The following CCDC77 variants were observed in gnomAD, a reference collection of about 807,000 sequenced individuals.
CCDC77 encodes coiled-coil domain containing 77.
A neutral mutation model predicts 66.8 loss-of-function variants in CCDC77; 56 were observed. That is an observed-to-expected ratio of 0.84 (90% CI 0.68 to 1.05). The LOEUF (loss-of-function observed/expected upper bound fraction) is 1.05. Ranked by LOEUF, CCDC77 falls within the 50% of genes least tolerant of loss-of-function variation. The pLI is 0.00. For missense variants in CCDC77, 570 were observed against 576.8 expected (o/e 0.99, Z 0.12); for synonymous variants, 196 against 195.2 (o/e 1.00, Z -0.03).
intron 1 of CCDC77, among the ~76,000 whole-genome samples, chr12:395,384 C>T (rs1944813880): frequency 6.6e-6 from 1 of 152,128 alleles, no homozygotes; most frequent in Non-Finnish European, 1.5e-5. Flanking sequence ...CCACTGCACC[C>T]AGCCAGATTG....
rs141213385 is a variant in CCDC77 at position 428,447 on chromosome 12, G to C, written c.414-322G>C. Among the ~76,000 whole-genome samples the C allele has an allele frequency of 4.4e-3, 651 of 147,974 alleles. 5 individuals are homozygous for C. The highest frequency in any genetic ancestry group is 0.019 in the East Asian group (93 of 4,986). Reference sequence around the variant, plus strand: ...AATGGCGTGAACCCGGCAGGCGGAGGTTGCAGTGAGCCAAGACCGCACCAT... The same window carrying C: ...AATGGCGTGAACCCGGCAGGCGGAGCTTGCAGTGAGCCAAGACCGCACCAT... On this transcript the variant is annotated intron_variant, in intron 5 of 12. Transcript: ENST00000239830.
At chr12:415,536 A>G (rs539992000) in intron 4 of CCDC77, among the ~76,000 whole-genome samples, 3 of 143,084 alleles carry the variant, frequency 2.1e-5, no homozygotes, top group Admixed American at 2.1e-4. Context: ...AATTATTAAC[A>G]TAATAATATG....
At chr12:422,855 C>G (rs1175511189) in intron 5 of CCDC77, among the ~76,000 whole-genome samples, 1 of 152,176 alleles carries the variant, frequency 6.6e-6, no homozygotes, top group Non-Finnish European at 1.5e-5. Context: ...CTCAAGTGAT[C>G]TGTCTGCCTC....
chr12:412,496 T>C (rs1203336779), intron 4 of CCDC77, among the ~76,000 whole-genome samples: 1 of 152,238 alleles, frequency 6.6e-6, no homozygotes, highest in African/African-American at 2.4e-5. Context: ...CATTTTGGCC[T>C]GGATGATTCT....
At chr12:399,626 G>C (rs1158799620), upstream of CCDC77, among the ~76,000 whole-genome samples, 2 of 152,194 alleles carry the variant, frequency 1.3e-5, no homozygotes, top group Non-Finnish European at 2.9e-5. Flanking sequence ...TGAGTGAGAA[G>C]TAATATTTTG....
intron 4 of CCDC77, among the ~76,000 whole-genome samples, chr12:413,355 G>A (rs1403493720): frequency 2.0e-5 from 3 of 151,090 alleles, no homozygotes; most frequent in South Asian, 2.1e-4. Flanking sequence ...TCCTGCCTCA[G>A]CCTCCCGAGT....
rs1156616676 is a variant in CCDC77 at position 442,442 on chromosome 12, A to G, written c.*522A>G. ...AGAGCCTGAATTACGTTTTTGGGCA[A>G]TTTCATGGTGTTTCACCAGAGGGCG... On this transcript the variant is annotated 3_prime_UTR_variant, in exon 13 of 13. Transcript: ENST00000239830. The G allele has an allele frequency of 6.6e-6, 1 of 152,214 alleles. No individual in the cohort carries two copies. Among genetic ancestry groups the G allele is most frequent in the East Asian group, 1.9e-4 (1 of 5,192 alleles). 9.4% of individuals were successfully genotyped at this position (152,214 alleles called of 1,614,324 possible).
In CCDC77 at chr12:430,551, A is replaced by AT. The variant is rs138360852; in HGVS notation, c.511-112dup. 0.015 allele frequency: 12,050 copies of AT among 785,388 alleles called. 1,413 individuals are homozygous for AT. In the Admixed American group the frequency reaches 0.2, roughly 13 times the overall value. The allele number at this position is 785,388 out of a possible 1,614,324, so 48.7% of individuals were successfully genotyped here. A position where few individuals can be genotyped will look rare whatever the true frequency, so the allele number is the denominator to read the frequency against. On this transcript the variant is annotated intron_variant, in intron 6 of 12. Transcript: ENST00000239830. ...ATGTGCATGACATCCTTATATGATCATATCAGTTTTGACTAATTTAACTTC... is the reference window on the plus strand; with the variant it reads ...ATGTGCATGACATCCTTATATGATCATTATCAGTTTTGACTAATTTAACTTC...
rs1381554668 is a variant in CCDC77 at position 431,204 on chromosome 12, G to A, written c.583+468G>A. On this transcript the variant is annotated intron_variant, in intron 7 of 12. Coordinates refer to ENST00000239830, the MANE Select transcript of CCDC77 (RefSeq NM_032358.4). ...TGAATCATCCAAGGAATTAAATTTTGCTCAGTTCTTTTTTTTTTTTTTTTT... is the reference window on the plus strand; with the variant it reads ...TGAATCATCCAAGGAATTAAATTTTACTCAGTTCTTTTTTTTTTTTTTTTT... Among the ~76,000 whole-genome samples, 7 of 135,920 alleles carry A rather than the reference G, an allele frequency of 5.2e-5. 2 individuals are homozygous for A. The East Asian group carries it at 1.5e-3, about 29-fold the overall frequency. 89.2% of individuals were successfully genotyped at this position (135,920 alleles called of 152,430 possible).
chr12:441,306 T>C (rs1945854059), intron 12 of CCDC77, among the ~76,000 whole-genome samples: 1 of 151,930 alleles, frequency 6.6e-6, no homozygotes, highest in African/African-American at 2.4e-5. Context: ...AGTAATTGAG[T>C]GATAGAGTAC....
chr12:433,651 CAAA>C (rs74643579), intron 9 of CCDC77, among the ~76,000 whole-genome samples: 2 of 121,294 alleles, frequency 1.6e-5, no homozygotes, highest in Non-Finnish European at 1.8e-5. Flanking sequence ...GACCCTGTCT[CAAA>C]AAAAAAAAAA....
intron 1 of CCDC77, among the ~76,000 whole-genome samples, chr12:394,703 G>A (rs1212070315): frequency 6.6e-6 from 1 of 152,222 alleles, no homozygotes; most frequent in Non-Finnish European, 1.5e-5. Context: ...TTGCGAGAGA[G>A]TGATGAATTG....
chr12:414,770 T>C (rs971251169), intron 4 of CCDC77, among the ~76,000 whole-genome samples: 1 of 151,726 alleles, frequency 6.6e-6, no homozygotes, highest in African/African-American at 2.4e-5. Context: ...GTCCTGTTGA[T>C]TCTGCTTCCT....
In CCDC77 at chr12:438,408, A is replaced by G; in HGVS notation, c.895A>G (p.Lys299Glu). The change falls in exon 10 of 13, where the codon AAA (lysine) becomes GAA (glutamate). Residue 299 changes from lysine to glutamate, a missense_variant. Physicochemically the swap from Lys to Glu is moderately conservative, Grantham distance 56. Transcript: ENST00000239830. ...FLQLRSENQN[K>E]EKSWMLEKDN... ...GCAACTCAGATCTGAAAACCAAAAT[A>G]AAGAGAAGTCATGGATGCTTGAAAA... is the stretch of plus-strand genomic sequence containing the variant. 6.2e-7 allele frequency: 1 copy of G among 1,614,114 alleles called. No individual in the cohort carries two copies. The highest frequency in any genetic ancestry group is 8.5e-7 in the Non-Finnish European group (1 of 1,179,956).
At chr12:405,915 AC>A (rs1691225641) in intron 2 of CCDC77, among the ~76,000 whole-genome samples, 1 of 124,786 alleles carries the variant, frequency 8.0e-6, no homozygotes, top group Non-Finnish European at 1.7e-5. Flanking sequence ...TAAGTGTTCA[AC>A]TTTTTTTTTT....
intron 4 of CCDC77, among the ~76,000 whole-genome samples, chr12:417,871 C>G (rs1945317368): frequency 6.6e-6 from 1 of 151,760 alleles, no homozygotes; most frequent in Non-Finnish European, 1.5e-5. Flanking sequence ...CACCGCATTC[C>G]AGCCTGGGCG....
At chr12:408,551 G>A (rs1945042680) in intron 2 of CCDC77, among the ~76,000 whole-genome samples, 1 of 152,088 alleles carries the variant, frequency 6.6e-6, no homozygotes, top group Non-Finnish European at 1.5e-5. Context: ...GGGGAGTGGG[G>A]GCAGGGGAAG....
intron 2 of CCDC77, among the ~76,000 whole-genome samples, chr12:406,909 C>T (rs571382599): frequency 4.5e-4 from 69 of 152,300 alleles, no homozygotes; most frequent in South Asian, 1.4e-3. Flanking sequence ...ATTGCGCCAT[C>T]GCACTCCAGC....
At chr12:399,872 A>G (rs538896479), upstream of CCDC77, among the ~76,000 whole-genome samples, 11 of 152,362 alleles carry the variant, frequency 7.2e-5, 1 homozygote, top group Middle Eastern at 6.8e-3. Context: ...ATTAGCCCCT[A>G]ACATGAGAGT....
Sources: allele counts gnomAD v4.1 joint callset (sites outside exome capture counted in the v4.1 genomes callset), GRCh38; gene constraint gnomAD v4.1.1; transcripts MANE v1.5; gene names NCBI Gene and HGNC (gene_info 2026-07-23, HGNC 2026-07-21).